Variants in NAV3 observed in about 807,000 individuals in gnomAD.
NAV3 encodes the protein neuron navigator 3, also known as pore membrane and/or filament interacting like protein 1.
In NAV3, 87 loss-of-function variants were observed where a neutral mutation model predicts 244.7. The ratio of observed to expected loss-of-function variants is 0.36; its 90% CI spans 0.30 to 0.42. The LOEUF (loss-of-function observed/expected upper bound fraction) is 0.42. NAV3 is among the 20% of genes least tolerant of loss of function. NAV3 has a pLI of 1.00. For synonymous variants in NAV3, 1,126 were observed against 1,042.2 expected (o/e 1.08, Z -1.55); for missense variants, 2,663 against 2,893.3 (o/e 0.92, Z 1.83).
intron 1 of NAV3, among the ~76,000 whole-genome samples, chr12:77,939,918 T>C (rs1458539683): frequency 6.6e-6 from 1 of 152,176 alleles, no homozygotes; most frequent in Non-Finnish European, 1.5e-5. Flanking sequence ...AGAAACACAA[T>C]TTTTTATAGT....
intron 3 of NAV3, chr12:77,947,620 G>T (rs962313457): frequency 4.6e-5 from 7 of 151,956 alleles, no homozygotes; most frequent in African/African-American, 1.7e-4. Context: ...TTCTGGAATG[G>T]CTAGAAAAAG....
chr12:77,995,303 G>A (rs946491375), intron 6 of NAV3, among the ~76,000 whole-genome samples: 5 of 152,120 alleles, frequency 3.3e-5, no homozygotes, highest in African/African-American at 1.2e-4. Context: ...TTAGTACCAG[G>A]TCAGTCTGGA....
chr12:77,580,005 T>C (rs922463146), intron 2 of NAV3, among the ~76,000 whole-genome samples: 13 of 152,290 alleles, frequency 8.5e-5, no homozygotes, highest in Admixed American at 6.5e-4. Context: ...GGTTGTGTTC[T>C]GTCTTCTGGG....
chr12:77,830,189 A>G (rs1873458674), upstream of NAV3, among the ~76,000 whole-genome samples: 1 of 152,206 alleles, frequency 6.6e-6, no homozygotes, highest in Admixed American at 6.5e-5. Context: ...ATCATCATTC[A>G]TTCTCACTGA....
chr12:77,923,334 T>G (rs1396349556), intron 1 of NAV3, among the ~76,000 whole-genome samples: 2 of 152,122 alleles, frequency 1.3e-5, no homozygotes, highest in Non-Finnish European at 2.9e-5. Flanking sequence ...TTAAATATAT[T>G]TTAAGCTATC....
intron 2 of NAV3, among the ~76,000 whole-genome samples, chr12:77,809,704 T>C (rs1365194416): frequency 6.6e-6 from 1 of 152,250 alleles, no homozygotes; most frequent in East Asian, 1.9e-4. Context: ...TTCTCACTTA[T>C]GAAAATAATT....
At chr12:78,130,474 G>T in intron 18 of NAV3, 1 of 215,168 alleles carries the variant, frequency 4.6e-6, no homozygotes, top group South Asian at 8.6e-5. Flanking sequence ...AAACTCCCCT[G>T]AGGATGAAGC....
intron 8 of NAV3, among the ~76,000 whole-genome samples, chr12:78,019,839 G>A (rs548154756): frequency 1.3e-5 from 2 of 152,220 alleles, no homozygotes; most frequent in African/African-American, 4.8e-5. Context: ...AGGGCTCCAT[G>A]AATCAGGACC....
At chr12:77,938,983 T>A (rs10859692) in intron 1 of NAV3, among the ~76,000 whole-genome samples, 53,364 of 150,040 alleles carry the variant, frequency 0.36, 9,985 homozygotes, top group African/African-American at 0.47. Context: ...TGGTGTGAAG[T>A]GCGGTGTAGA....
At chr12:77,778,185 C>T (rs1238749854) in intron 2 of NAV3, among the ~76,000 whole-genome samples, 1 of 129,336 alleles carries the variant, frequency 7.7e-6, no homozygotes, top group African/African-American at 2.9e-5. Flanking sequence ...GCCCTCTCCT[C>T]CTCTCCTCTC....
At chr12:77,921,342 C>A (rs1471428406) in intron 1 of NAV3, among the ~76,000 whole-genome samples, 1 of 151,980 alleles carries the variant, frequency 6.6e-6, no homozygotes, top group African/African-American at 2.4e-5. Context: ...CATAGAGATG[C>A]AGTTCAAAAT....
chr12:78,204,991 T>C lies in NAV3; in HGVS notation c.6891T>C (p.Tyr2297=). ...EDPSKWVLDT[Y]PWSSATLPQE... is the part of the protein sequence containing the mutation. ...CTTCAAAGTGGGTGCTTGACACATA[T>C]CCATGGAGCTCAGCAACTCTGCCTC... The change falls in exon 39 of 40, where the codon TAT becomes TAC. Residue 2297 remains tyrosine, a synonymous_variant. Transcript: ENST00000397909. 2 of 1,613,550 alleles carry C rather than the reference T, an allele frequency of 1.2e-6. No homozygotes were observed. Among genetic ancestry groups the C allele is most frequent in the East Asian group, 2.2e-5 (1 of 44,808 alleles).
intron 1 of NAV3, among the ~76,000 whole-genome samples, chr12:77,928,128 G>A (rs1593023168): frequency 6.6e-6 from 1 of 150,830 alleles, no homozygotes; most frequent in South Asian, 2.1e-4. Flanking sequence ...GAGACTGAGG[G>A]GAGGGAATTG....
At chr12:77,748,390 A>G (rs896243008) in intron 2 of NAV3, among the ~76,000 whole-genome samples, 3 of 152,212 alleles carry the variant, frequency 2.0e-5, no homozygotes, top group African/African-American at 7.2e-5. Context: ...AAATGTATAC[A>G]TCAAGCTTTC....
chr12:77,786,004 G>A (rs1395464113), intron 2 of NAV3, among the ~76,000 whole-genome samples: 1 of 152,158 alleles, frequency 6.6e-6, no homozygotes, highest in African/African-American at 2.4e-5. Context: ...TTTGATGAGT[G>A]TAGATTTATA....
At chr12:78,088,655 A>G (rs972812279) in intron 12 of NAV3, 24 of 152,258 alleles carry the variant, frequency 1.6e-4, no homozygotes, top group African/African-American at 4.3e-4. Context: ...GGAACTCTAT[A>G]TAAATCCTAC....
intron 2 of NAV3, among the ~76,000 whole-genome samples, chr12:77,715,600 A>G (rs963809321): frequency 5.3e-5 from 8 of 152,072 alleles, no homozygotes; most frequent in Non-Finnish European, 8.8e-5. Flanking sequence ...AATGAAATAT[A>G]TAATTACTGA....
intron 7 of NAV3, among the ~76,000 whole-genome samples, chr12:78,003,040 T>C (rs1873575367): frequency 1.3e-5 from 2 of 151,390 alleles, no homozygotes; most frequent in African/African-American, 4.8e-5. Context: ...GGCACTCTAA[T>C]ATTGCAAAGG....
chr12:77,688,886 G>A (rs1461263942), intron 2 of NAV3, among the ~76,000 whole-genome samples: 5 of 151,834 alleles, frequency 3.3e-5, no homozygotes, highest in Non-Finnish European at 7.4e-5. Flanking sequence ...TAAATAAAAG[G>A]ATTACTAAGA....
Sources: allele counts gnomAD v4.1 joint callset (sites outside exome capture counted in the v4.1 genomes callset), GRCh38; gene constraint gnomAD v4.1.1; transcripts MANE v1.5; gene names NCBI Gene and HGNC (gene_info 2026-07-23, HGNC 2026-07-21).